The following PPP1R13B variants were observed in gnomAD, a reference collection of about 807,000 sequenced individuals.
PPP1R13B encodes the protein apoptosis-stimulating of p53 protein 1.
A neutral mutation model predicts 119.8 loss-of-function variants in PPP1R13B; 44 were observed. The observed-to-expected ratio is 0.37, with a 90% CI of 0.29 to 0.47. The LOEUF (loss-of-function observed/expected upper bound fraction) is 0.47, where lower values mean the gene tolerates loss of function less well. PPP1R13B is among the 20% of genes least tolerant of loss of function. The probability of loss-of-function intolerance (pLI) is 0.99; values close to 1 mark genes in which losing one functional copy is unlikely to be tolerated. For synonymous variants in PPP1R13B, 542 were observed against 561.5 expected (o/e 0.97, Z 0.49); for missense variants, 1,227 against 1,413.5 (o/e 0.87, Z 2.12).
At chr14:103,807,774 G>A (rs1342971786) in intron 1 of PPP1R13B, among the ~76,000 whole-genome samples, 5 of 152,118 alleles carry the variant, frequency 3.3e-5, no homozygotes, top group Admixed American at 6.5e-5. Context: ...GATTATAGGC[G>A]TGAGGCACCA....
chr14:103,831,170 CCT>C (rs556280285), intron 1 of PPP1R13B, among the ~76,000 whole-genome samples: 222 of 152,024 alleles, frequency 1.5e-3, no homozygotes, highest in African/African-American at 5.0e-3. Context: ...GTCTCGATCC[CCT>C]GACCTCATGA....
chr14:103,778,840 C>A lies in PPP1R13B; in HGVS notation c.278-19G>T. The A allele has an allele frequency of 6.3e-7, 1 of 1,590,908 alleles. No individual in the cohort carries two copies. ...CGGCCACCTAAAGAAATAAAAGAAC[C>A]AAACTCACCAAAAGGCGTATTAGAA... On this transcript the variant is annotated intron_variant, in intron 3 of 16. Coordinates refer to ENST00000202556, the MANE Select transcript of PPP1R13B (RefSeq NM_015316.3).
intron 1 of PPP1R13B, among the ~76,000 whole-genome samples, chr14:103,819,245 G>A (rs1005528126): frequency 1.3e-5 from 2 of 152,172 alleles, no homozygotes; most frequent in African/African-American, 4.8e-5. Flanking sequence ...CCCTTGGAGG[G>A]TTTTAAGTAA....
At chr14:103,772,367 G>A (rs1223851681) in intron 4 of PPP1R13B, among the ~76,000 whole-genome samples, 1 of 152,204 alleles carries the variant, frequency 6.6e-6, no homozygotes, top group Non-Finnish European at 1.5e-5. Context: ...TAAGAGTAGA[G>A]TTGTTGGGTC....
chr14:103,826,136 C>T (rs1385081242), intron 1 of PPP1R13B, among the ~76,000 whole-genome samples: 1 of 152,086 alleles, frequency 6.6e-6, no homozygotes, highest in Non-Finnish European at 1.5e-5. Flanking sequence ...CTTGGCCTCC[C>T]AAAGTGTTGG....
chr14:103,841,384 T>TCC, intron 1 of PPP1R13B, among the ~76,000 whole-genome samples: 2 of 150,948 alleles, frequency 1.3e-5, no homozygotes, highest in Non-Finnish European at 2.9e-5. Context: ...AGTCAGGAGT[T>TCC]TGTGACCAGC....
chr14:103,812,810 C>T (rs2086192733), intron 1 of PPP1R13B, among the ~76,000 whole-genome samples: 3 of 152,112 alleles, frequency 2.0e-5, no homozygotes, highest in South Asian at 4.2e-4. Context: ...AAACATGTTC[C>T]GTATCATAGG....
upstream of PPP1R13B, among the ~76,000 whole-genome samples, chr14:103,847,966 C>G (rs2152095143): frequency 6.6e-6 from 1 of 151,782 alleles, no homozygotes; most frequent in South Asian, 2.1e-4. Context: ...GGGAGCGTCC[C>G]TGCGGCGACG....
chr14:103,800,366 T>G (rs914250758), intron 1 of PPP1R13B, among the ~76,000 whole-genome samples: 2 of 151,958 alleles, frequency 1.3e-5, no homozygotes, highest in African/African-American at 4.8e-5. Context: ...TAAGATTTTT[T>G]TTTCATCCAG....
chr14:103,766,503 A>G (rs889987342), intron 4 of PPP1R13B, among the ~76,000 whole-genome samples: 1 of 152,224 alleles, frequency 6.6e-6, no homozygotes, highest in African/African-American at 2.4e-5. Context: ...GCAGCTTGGT[A>G]TCCGTGGTTG....
At chr14:103,848,392 A>C (rs996940250), upstream of PPP1R13B, 7 of 985,408 alleles carry the variant, frequency 7.1e-6, no homozygotes, top group Non-Finnish European at 8.4e-6. Context: ...CTCGGGCCTG[A>C]GCGCCGGAGT....
intron 16 of PPP1R13B, 42 bp from the exon 17 acceptor site, chr14:103,735,237 CAG>C (rs771387345): frequency 1.8e-4 from 286 of 1,609,660 alleles, no homozygotes; most frequent in Non-Finnish European, 2.2e-4. Context: ...AAGCCACACA[CAG>C]GGAGCAGGGC....
chr14:103,779,638 G>A (rs1030569392), intron 3 of PPP1R13B, among the ~76,000 whole-genome samples: 1 of 151,286 alleles, frequency 6.6e-6, no homozygotes, highest in Non-Finnish European at 1.5e-5. Flanking sequence ...AGAAAGTAGC[G>A]AGGCATGGTG....
chr14:103,751,618 G>T (rs1036285689), intron 7 of PPP1R13B, among the ~76,000 whole-genome samples: 2 of 152,072 alleles, frequency 1.3e-5, no homozygotes, highest in East Asian at 3.9e-4. Context: ...AGGTAATTAG[G>T]TTTAAGCAAG....
At chr14:103,764,818 GT>G (rs202160187) in intron 4 of PPP1R13B, among the ~76,000 whole-genome samples, 15 of 150,870 alleles carry the variant, frequency 9.9e-5, no homozygotes, top group Non-Finnish European at 1.3e-4. Flanking sequence ...AAATACAGCT[GT>G]TTTTTTTTGT....
intron 1 of PPP1R13B, among the ~76,000 whole-genome samples, chr14:103,822,226 C>T (rs2086427592): frequency 6.6e-6 from 1 of 152,032 alleles, no homozygotes. Context: ...CCTCCGCCTC[C>T]TGGATTCAAG....
chr14:103,738,958 A>G lies in PPP1R13B; in HGVS notation c.2658T>C (p.Phe886=), dbSNP rs768324698. 6.2e-7 allele frequency: 1 copy of G among 1,614,104 alleles called. No individual in the cohort carries two copies. The highest frequency in any genetic ancestry group is 8.5e-7 in the Non-Finnish European group (1 of 1,180,006). ...ERTGHGLRVR[F]NPLALLLDAS... The stretch of plus-strand genomic sequence containing the variant: ...CGTCTAGGAGCAGTGCCAGGGGGTT[A>G]AACCGGACTCTCAGCCCGTGCCCCG... Residue 886 remains phenylalanine (F), a synonymous_variant, in exon 13 of 17, where the codon TTT becomes TTC. Coordinates refer to ENST00000202556, the MANE Select transcript of PPP1R13B (RefSeq NM_015316.3). The surrounding 1 kb of genome is among the most constrained non-coding windows in gnomAD (Gnocchi z 5.6).
chr14:103,800,390 C>G (rs774421688), intron 1 of PPP1R13B, among the ~76,000 whole-genome samples: 3 of 152,156 alleles, frequency 2.0e-5, no homozygotes, highest in Middle Eastern at 3.4e-3. Context: ...CAGTGGCTTA[C>G]GCCTGTAATC....
chr14:103,742,005 G>T lies in PPP1R13B; in HGVS notation c.1607C>A (p.Pro536His), dbSNP rs766683182. 6.2e-7 allele frequency: 1 copy of T among 1,614,286 alleles called. No homozygotes were observed. The highest frequency in any genetic ancestry group is 1.7e-5 in the Admixed American group (1 of 60,036). ...CTTGCTGTCCCCAGCTGGAAATGCA[G>T]GTGGTCCCGCTGGCGGGTACGTGGG... ...PSPTYPPAGPPAFPAGDSKPE... is the reference protein window; with the variant it reads ...PSPTYPPAGPHAFPAGDSKPE... The change falls in exon 11 of 17, where the codon CCT (proline) becomes CAT (histidine). Residue 536 changes from proline (P) to histidine (H), a missense_variant. Coordinates refer to ENST00000202556, the MANE Select transcript of PPP1R13B (RefSeq NM_015316.3). The surrounding 1 kb of genome is among the most constrained non-coding windows in gnomAD (Gnocchi z 4.9).
Sources: gnomAD v4.1 joint callset for allele counts (sites outside exome capture counted in the v4.1 genomes callset) on GRCh38, gnomAD v4.1.1 for gene constraint, Gnocchi (gnomAD v3.1) non-coding constraint, MANE v1.5 for transcripts, NCBI Gene and HGNC (gene_info 2026-07-23, HGNC 2026-07-21) for gene names.